The following THSD4 variants were observed in gnomAD, a reference collection of about 807,000 sequenced individuals.
The protein encoded by THSD4 is thrombospondin type 1 domain containing 4, also known as thrombospondin type-1 domain-containing protein 4.
THSD4 carries 69 observed loss-of-function variants against 119.0 expected under a neutral mutation model. The ratio of observed to expected loss-of-function variants is 0.58; its 90% CI spans 0.48 to 0.71. The LOEUF is 0.71. THSD4 is among the 30% of genes least tolerant of loss of function. THSD4 has a pLI of 0.00. For missense variants in THSD4, 1,393 were observed against 1,391.1 expected, an observed-to-expected ratio of 1.00 and a Z score of -0.02; for synonymous variants, 524 against 540.4, an observed-to-expected ratio of 0.97 and a Z score of 0.42.
At chr15:71,726,715 A>G (rs369770711) in intron 8 of THSD4, among the ~76,000 whole-genome samples, 2 of 152,262 alleles carry the variant, frequency 1.3e-5, no homozygotes, top group East Asian at 1.9e-4. Flanking sequence ...AGGCAGGCGG[A>G]TCATCTGAGG....
At chr15:71,189,770 C>T (rs577735524) in intron 3 of THSD4, among the ~76,000 whole-genome samples, 17 of 152,018 alleles carry the variant, frequency 1.1e-4, no homozygotes, top group African/African-American at 3.4e-4. Context: ...TTTTTAAGTC[C>T]GCTAGAGTAA....
chr15:71,452,840 C>T lies in THSD4; in HGVS notation c.1152+41017C>T, dbSNP rs372282498. ...TTGTTGGCCAGGCTGATCTTGAACT[C>T]CTGATCTCAGGTGATCTGCCTGCCT... is the stretch of plus-strand genomic sequence containing the variant. On this transcript the variant is annotated intron_variant, in intron 7 of 17. Transcript: ENST00000261862. Among the ~76,000 whole-genome samples, 12 of 152,280 alleles carry T rather than the reference C, an allele frequency of 7.9e-5. No homozygotes were observed. In the East Asian group the frequency reaches 1.4e-3, roughly 17 times the overall value.
chr15:71,459,160 C>CTTTTTTTTTTTTTTTTTTTTTTT lies in THSD4; in HGVS notation c.1152+47355_1152+47356insTTTTTTTTTTTTTTTTTTTTTTT, dbSNP rs372209662. Reference sequence around the variant, plus strand: ...CTTTTCTTTTTCATTTTCTTTTTTTCTTTTTTTTTTTTTTTTTTGACAGAG... The same window carrying CTTTTTTTTTTTTTTTTTTTTTTT: ...CTTTTCTTTTTCATTTTCTTTTTTTCTTTTTTTTTTTTTTTTTTTTTTTTTTTTTTTTTTTTTTTTTGACAGAG... On this transcript the variant is annotated intron_variant, in intron 7 of 17. Transcript: ENST00000261862. Among the ~76,000 whole-genome samples, 7 of 128,882 alleles carry CTTTTTTTTTTTTTTTTTTTTTTT rather than the reference C, an allele frequency of 5.4e-5. 1 individual carries two copies. Among genetic ancestry groups the CTTTTTTTTTTTTTTTTTTTTTTT allele is most frequent in the African/African-American group, 1.7e-4 (6 of 34,598 alleles). The allele number at this position is 128,882 out of a possible 152,430, so 84.6% of individuals were successfully genotyped here.
chr15:71,205,199 C>A (rs150426391), intron 3 of THSD4, among the ~76,000 whole-genome samples: 3 of 152,308 alleles, frequency 2.0e-5, no homozygotes, highest in Non-Finnish European at 2.9e-5. Flanking sequence ...TGGCTCTCAC[C>A]TTGAGAAGCG....
intron 5 of THSD4, among the ~76,000 whole-genome samples, chr15:71,249,200 CAT>C (rs1195984482): frequency 6.6e-6 from 1 of 151,920 alleles, no homozygotes; most frequent in Non-Finnish European, 1.5e-5. Context: ...ACCACACACA[CAT>C]ATATATGTAT....
intron 7 of THSD4, among the ~76,000 whole-genome samples, chr15:71,452,291 G>A (rs2047275729): frequency 6.6e-6 from 1 of 152,050 alleles, no homozygotes; most frequent in African/African-American, 2.4e-5. Context: ...TTTCCCATTT[G>A]GGAAGGAGGA....
At chr15:71,267,053 A>G (rs1377094303) in intron 6 of THSD4, among the ~76,000 whole-genome samples, 1 of 152,182 alleles carries the variant, frequency 6.6e-6, no homozygotes, top group Non-Finnish European at 1.5e-5. Context: ...GATATTATCC[A>G]GGGGAACTTC....
intron 7 of THSD4, among the ~76,000 whole-genome samples, chr15:71,427,753 G>C (rs576127403): frequency 1.3e-5 from 2 of 151,776 alleles, no homozygotes; most frequent in Non-Finnish European, 2.9e-5. Context: ...ACACATGCTG[G>C]CTTCAGTAAT....
At chr15:71,111,098 T>C (rs781243222), upstream of THSD4, 1 of 1,539,344 alleles carries the variant, frequency 6.5e-7, no homozygotes, top group African/African-American at 1.4e-5. Context: ...GGGGAAATAA[T>C]CTGAATATCT....
At chr15:71,738,124 C>T (rs1412746571) in intron 11 of THSD4, 117 bp downstream of exon 11, 6 of 1,358,612 alleles carry the variant, frequency 4.4e-6, no homozygotes, top group Non-Finnish European at 6.0e-6. Flanking sequence ...TCGTGGAAGA[C>T]GATTTCTCCA....
intron 6 of THSD4, among the ~76,000 whole-genome samples, chr15:71,302,334 G>A (rs1257649847): frequency 6.6e-6 from 1 of 152,146 alleles, no homozygotes; most frequent in African/African-American, 2.4e-5. Context: ...ACCAGGGAAG[G>A]CCAGGAGATC....
chr15:71,556,211 A>G (rs930486720), intron 7 of THSD4, among the ~76,000 whole-genome samples: 5 of 152,326 alleles, frequency 3.3e-5, no homozygotes, highest in African/African-American at 1.2e-4. Flanking sequence ...TATTGAGTCT[A>G]TAGATCAATA....
chr15:71,441,597 G>A (rs552181998), intron 7 of THSD4, among the ~76,000 whole-genome samples: 2 of 151,556 alleles, frequency 1.3e-5, no homozygotes, highest in East Asian at 3.9e-4. Flanking sequence ...GTTTCACTAT[G>A]TTGGCCAGGC....
intron 3 of THSD4, among the ~76,000 whole-genome samples, chr15:71,171,730 T>G (rs1032833174): frequency 7.2e-5 from 11 of 152,278 alleles, no homozygotes; most frequent in African/African-American, 2.6e-4. Context: ...ATGACAGTAA[T>G]AGTATAAATG....
At chr15:71,115,060 T>C (rs1046276327), upstream of THSD4, 1 of 152,604 alleles carries the variant, frequency 6.6e-6, no homozygotes, top group Non-Finnish European at 1.5e-5. This position sits in a 1 kb window ranked among gnomAD's most constrained non-coding sequence, Gnocchi z 4.4. Flanking sequence ...GCTGCCGGAA[T>C]GGCTGTTCCA....
chr15:71,672,689 T>A (rs1385365733), intron 8 of THSD4, among the ~76,000 whole-genome samples: 3 of 152,228 alleles, frequency 2.0e-5, no homozygotes, highest in Non-Finnish European at 4.4e-5. Flanking sequence ...TGAGAGTTTT[T>A]AGCATGAAGT....
At chr15:71,271,555 A>G (rs1465735135) in intron 6 of THSD4, among the ~76,000 whole-genome samples, 1 of 152,258 alleles carries the variant, frequency 6.6e-6, no homozygotes, top group African/African-American at 2.4e-5. Flanking sequence ...CATTATATAC[A>G]CATGGGTGTA....
chr15:71,737,994 G>A lies in THSD4; in HGVS notation c.1893G>A (p.Thr631=), dbSNP rs375173523. The change falls in exon 11 of 18, where the codon ACG becomes ACA. Residue 631 remains threonine (T), a synonymous_variant. Coordinates refer to ENST00000261862, the MANE Select transcript of THSD4 (RefSeq NM_024817.3). The part of the protein sequence containing the change: ...WKQLGTTECS[T]TCGKGSQYPI... ...AGCTTGGGACAACAGAATGTTCCAC[G>A]ACCTGTGGGAAAGGTGAGCCTGTGT... The A allele has an allele frequency of 1.4e-3, 2,257 of 1,613,528 alleles. 5 individuals carry two copies. Among genetic ancestry groups the A allele is most frequent in the Non-Finnish European group, 1.8e-3 (2,099 of 1,179,656 alleles).
At chr15:71,628,039 G>A (rs1043972824) in intron 7 of THSD4, among the ~76,000 whole-genome samples, 8 of 152,168 alleles carry the variant, frequency 5.3e-5, no homozygotes, top group Admixed American at 2.0e-4. Flanking sequence ...CCAGAGTCAT[G>A]GGCACACAGT....
Sources: allele counts gnomAD v4.1 joint callset (sites outside exome capture counted in the v4.1 genomes callset), GRCh38; gene constraint gnomAD v4.1.1; non-coding constraint Gnocchi (gnomAD v3.1); transcripts MANE v1.5; gene names NCBI Gene and HGNC (gene_info 2026-07-23, HGNC 2026-07-21).